The following PTPRM variants were observed in gnomAD, a reference collection of about 807,000 sequenced individuals.
PTPRM encodes the protein protein tyrosine phosphatase receptor type M, also known as receptor-type tyrosine-protein phosphatase mu.
A neutral mutation model predicts 186.7 loss-of-function variants in PTPRM; 47 were observed. The ratio of observed to expected loss-of-function variants is 0.25; its 90% CI spans 0.20 to 0.32. The LOEUF (loss-of-function observed/expected upper bound fraction) is 0.32, where lower values mean the gene tolerates loss of function less well. PTPRM is among the 10% of genes least tolerant of loss of function. The pLI is 1.00. For synonymous variants in PTPRM, 668 were observed against 674.9 expected (o/e 0.99, Z 0.16); for missense variants, 1,494 against 1,865.0 (o/e 0.80, Z 3.66).
At chr18:7,643,736 A>G (rs1449492511) in intron 1 of PTPRM, among the ~76,000 whole-genome samples, 1 of 152,186 alleles carries the variant, frequency 6.6e-6, no homozygotes, top group African/African-American at 2.4e-5. Flanking sequence ...TAAATAGTGA[A>G]GCAAATACAC....
intron 13 of PTPRM, among the ~76,000 whole-genome samples, chr18:8,123,957 A>G (rs2092261160): frequency 6.6e-6 from 1 of 152,220 alleles, no homozygotes; most frequent in African/African-American, 2.4e-5. Context: ...CAGATGAAGC[A>G]TGCTGTTTAC....
chr18:8,132,815 A>T (rs1399338067), intron 13 of PTPRM, among the ~76,000 whole-genome samples: 3 of 152,166 alleles, frequency 2.0e-5, no homozygotes, highest in African/African-American at 7.2e-5. Context: ...ACGTTTTGCC[A>T]CTAGTATTTA....
intron 7 of PTPRM, among the ~76,000 whole-genome samples, chr18:8,038,031 GT>G (rs1356204653): frequency 3.9e-5 from 6 of 152,052 alleles, no homozygotes; most frequent in African/African-American, 1.4e-4. Context: ...TGAGCTTCTT[GT>G]CTTTTCATGT....
chr18:8,274,543 G>T (rs2094811004), intron 19 of PTPRM, among the ~76,000 whole-genome samples: 1 of 152,162 alleles, frequency 6.6e-6, no homozygotes, highest in South Asian at 2.1e-4. Context: ...TGGCAATTAT[G>T]TCAGAACCAT....
intron 4 of PTPRM, 94 bp downstream of exon 4, chr18:7,906,677 C>T (rs1211659029): frequency 4.8e-6 from 5 of 1,034,388 alleles, no homozygotes; most frequent in South Asian, 1.3e-5. Flanking sequence ...GTGAAGAGGT[C>T]ATCTTGCCAA....
At position 7,955,129 on chromosome 18, in the gene PTPRM, G is replaced by A. The variant is rs148967648; in HGVS notation, c.847G>A (p.Val283Ile). ...YAELVVKEPP[V>I]PIAPPQLASV... is the part of the protein sequence containing the mutation. The stretch of plus-strand genomic sequence containing the variant: ...TCTGGTTTGTCTTTCAGAACCACCC[G>A]TTCCTATTGCCCCACCTCAGCTCGC... The change falls in exon 7 of 33, where the codon GTT becomes ATT. Residue 283 changes from valine to isoleucine, a missense_variant. Coordinates refer to ENST00000580170, the MANE Select transcript of PTPRM (RefSeq NM_001105244.2). 83 of 1,602,206 alleles carry A rather than the reference G, an allele frequency of 5.2e-5. No individual in the cohort carries two copies. Among genetic ancestry groups the A allele is most frequent in the Admixed American group, 2.2e-4 (13 of 59,590 alleles).
At chr18:7,620,835 A>G (rs1049384327) in intron 1 of PTPRM, among the ~76,000 whole-genome samples, 2 of 152,182 alleles carry the variant, frequency 1.3e-5, no homozygotes, top group Non-Finnish European at 2.9e-5. Context: ...AAGAGGCAGT[A>G]ATATTTGAAC....
At chr18:7,773,755 A>G (rs558734645) in intron 1 of PTPRM, among the ~76,000 whole-genome samples, 5 of 151,564 alleles carry the variant, frequency 3.3e-5, no homozygotes, top group African/African-American at 1.2e-4. Context: ...TAATTTTTGT[A>G]TTTTTGTAGA....
intron 7 of PTPRM, among the ~76,000 whole-genome samples, chr18:7,965,739 T>A (rs2053999173): frequency 6.6e-6 from 1 of 152,222 alleles, no homozygotes; most frequent in African/African-American, 2.4e-5. Context: ...GGGAAGCAGG[T>A]GGATTTTATC....
intron 7 of PTPRM, among the ~76,000 whole-genome samples, chr18:8,021,770 A>T (rs1478404898): frequency 6.6e-6 from 1 of 151,932 alleles, no homozygotes; most frequent in Non-Finnish European, 1.5e-5. Context: ...TTTGGTGGAG[A>T]TGGGATCTCA....
intron 5 of PTPRM, among the ~76,000 whole-genome samples, chr18:7,936,329 A>G (rs1282128321): frequency 6.6e-6 from 1 of 152,190 alleles, no homozygotes; most frequent in Non-Finnish European, 1.5e-5. Flanking sequence ...TCAGGGACCC[A>G]GGAAGACACC....
chr18:7,929,418 AT>A (rs960900846), intron 5 of PTPRM, among the ~76,000 whole-genome samples: 2 of 151,902 alleles, frequency 1.3e-5, no homozygotes, highest in African/African-American at 4.8e-5. Flanking sequence ...GTGACCATTT[AT>A]TGCCCTGCAG....
intron 7 of PTPRM, 33 bp from the exon 8 acceptor site, chr18:8,069,653 C>T (rs765486504): frequency 6.5e-7 from 1 of 1,549,054 alleles, no homozygotes; most frequent in Non-Finnish European, 8.8e-7. Flanking sequence ...TTTCTTCTCT[C>T]TCATGTTTTC....
intron 14 of PTPRM, among the ~76,000 whole-genome samples, chr18:8,169,661 G>T (rs953918722): frequency 2.6e-5 from 4 of 152,168 alleles, no homozygotes; most frequent in Non-Finnish European, 5.9e-5. Context: ...CAAGAATTTA[G>T]CATGGTGTAT....
At chr18:8,057,208 AAT>A (rs2088039825) in intron 7 of PTPRM, among the ~76,000 whole-genome samples, 1 of 151,792 alleles carries the variant, frequency 6.6e-6, no homozygotes, top group African/African-American at 2.4e-5. Context: ...TTATATCAGT[AAT>A]ATTTTATTTC....
At chr18:7,831,994 A>G (rs576713780) in intron 2 of PTPRM, among the ~76,000 whole-genome samples, 1 of 152,328 alleles carries the variant, frequency 6.6e-6, no homozygotes, top group South Asian at 2.1e-4. Context: ...TCCATTGTGT[A>G]TAAGTACCAC....
At chr18:7,629,047 C>T (rs1385135883) in intron 1 of PTPRM, among the ~76,000 whole-genome samples, 1 of 152,276 alleles carries the variant, frequency 6.6e-6, no homozygotes, top group African/African-American at 2.4e-5. Flanking sequence ...ATCATGGAAC[C>T]ACTTACACTG....
At chr18:8,204,869 T>G (rs1601201551) in intron 14 of PTPRM, among the ~76,000 whole-genome samples, 1 of 152,142 alleles carries the variant, frequency 6.6e-6, no homozygotes, top group Non-Finnish European at 1.5e-5. Flanking sequence ...TATGTCAGGG[T>G]TTGTGATACT....
intron 31 of PTPRM, among the ~76,000 whole-genome samples, chr18:8,393,299 C>A (rs985541650): frequency 6.6e-6 from 1 of 152,220 alleles, no homozygotes; most frequent in East Asian, 1.9e-4. Context: ...GAGAAGACAT[C>A]AGACAAACCC....
Sources: allele counts gnomAD v4.1 joint callset (sites outside exome capture counted in the v4.1 genomes callset), GRCh38; gene constraint gnomAD v4.1.1; transcripts MANE v1.5; gene names NCBI Gene and HGNC (gene_info 2026-07-23, HGNC 2026-07-21).